PHLDB2: variants seen among roughly 807,000 people sequenced by gnomAD.
PHLDB2 encodes pleckstrin homology like domain family B member 2.
In PHLDB2, 71 loss-of-function variants were observed where a neutral mutation model predicts 123.6. The ratio of observed to expected loss-of-function variants is 0.57; its 90% CI spans 0.47 to 0.70. The LOEUF (loss-of-function observed/expected upper bound fraction) is 0.70, where lower values mean the gene tolerates loss of function less well. PHLDB2 is among the 30% of genes least tolerant of loss of function. PHLDB2 has a pLI of 0.00. For synonymous variants in PHLDB2, 547 were observed against 541.6 expected (o/e 1.01, Z -0.14); for missense variants, 1,446 against 1,519.5 (o/e 0.95, Z 0.80).
At chr3:111,751,911 ACT>A (rs2059783872) in intron 1 of PHLDB2, among the ~76,000 whole-genome samples, 1 of 151,850 alleles carries the variant, frequency 6.6e-6, no homozygotes, top group South Asian at 2.1e-4. Flanking sequence ...AGAAAAGGAG[ACT>A]CTGAGCTGCA....
At chr3:111,742,678 T>C (rs2059623523) in intron 1 of PHLDB2, among the ~76,000 whole-genome samples, 1 of 152,216 alleles carries the variant, frequency 6.6e-6, no homozygotes, top group South Asian at 2.1e-4. Context: ...CCATGGTGTA[T>C]ATGTGCCACA....
chr3:111,737,484 C>T (rs147795681), intron 1 of PHLDB2, among the ~76,000 whole-genome samples: 30 of 152,298 alleles, frequency 2.0e-4, no homozygotes, highest in Admixed American at 1.9e-3. Context: ...CTCCTCTCTA[C>T]AGTTCCAAGG....
intron 5 of PHLDB2, among the ~76,000 whole-genome samples, chr3:111,930,060 T>C (rs1459870897): frequency 6.6e-6 from 1 of 151,410 alleles, no homozygotes; most frequent in African/African-American, 2.4e-5. Flanking sequence ...TACAGACACC[T>C]GCCACCATGC....
In PHLDB2 at chr3:111,909,281, C is replaced by A. The variant is rs571329630; in HGVS notation, c.1336-4038C>A. 7.2e-5 allele frequency among the ~76,000 whole-genome samples: 11 copies of A among 152,268 alleles called. No individual in the cohort carries two copies. The South Asian group carries it at 2.3e-3, about 32-fold the overall frequency. ...TTATCACTGCTTTTATAAGTGATCA[C>A]CTATTTGTGCCTCCTATTAAAGGTT... is the stretch of plus-strand genomic sequence containing the variant. On this transcript the variant is annotated intron_variant, in intron 2 of 17. Coordinates refer to ENST00000431670, the MANE Select transcript of PHLDB2 (RefSeq NM_001134438.2).
chr3:111,802,606 C>T (rs1012011401), intron 1 of PHLDB2, among the ~76,000 whole-genome samples: 16 of 152,202 alleles, frequency 1.1e-4, no homozygotes, highest in Non-Finnish European at 1.9e-4. Context: ...GACATTAGTA[C>T]TATACATTTA....
intron 1 of PHLDB2, among the ~76,000 whole-genome samples, chr3:111,762,063 C>T (rs1275931937): frequency 2.0e-5 from 3 of 152,160 alleles, no homozygotes; most frequent in Non-Finnish European, 2.9e-5. Context: ...ATCCCATCCG[C>T]CACATTCAGC....
rs1050519246 is a variant in PHLDB2, at chr3:111,937,583, C to T, written c.2131-1892C>T. 7.9e-5 allele frequency among the ~76,000 whole-genome samples: 12 copies of T among 152,062 alleles called. No homozygotes were observed. The East Asian group carries it at 1.2e-3, about 15-fold the overall frequency. ...TGGATTGCTTGAGTTTGAGACCAGC[C>T]TGGGCAATATGGCAAAACCCCATTC... is the stretch of plus-strand genomic sequence containing the variant. On this transcript the variant is annotated intron_variant, in intron 6 of 17. Coordinates refer to ENST00000431670, the MANE Select transcript of PHLDB2 (RefSeq NM_001134438.2).
Position 111,952,753 on chromosome 3 carries a change from T to C in PHLDB2, c.2772+41T>C. ...AACCACGGGCTTCCCATTCCATGAG[T>C]CTTCTTGTCATTATATTCACTGATG... On this transcript the variant is annotated intron_variant, in intron 11 of 17. Transcript: ENST00000431670. 9 of 1,591,200 alleles carry C rather than the reference T, an allele frequency of 5.7e-6. 1 individual carries two copies. The highest frequency in any genetic ancestry group is 2.3e-5 in the South Asian group (2 of 86,662).
intron 1 of PHLDB2, among the ~76,000 whole-genome samples, chr3:111,789,690 G>A (rs2060831255): frequency 6.6e-6 from 1 of 150,972 alleles, no homozygotes; most frequent in African/African-American, 2.5e-5. Flanking sequence ...AGAATTACAT[G>A]AGATAATAAT....
chr3:111,790,143 T>C (rs1037816687), intron 1 of PHLDB2, among the ~76,000 whole-genome samples: 1 of 152,184 alleles, frequency 6.6e-6, no homozygotes, highest in Admixed American at 6.5e-5. Flanking sequence ...CTTAATTTTG[T>C]TCCTGCTTAG....
intron 12 of PHLDB2, chr3:111,958,577 A>T: frequency 2.7e-6 from 1 of 376,142 alleles, no homozygotes. Context: ...TGTCCCAGGC[A>T]GTGAAGAGCT....
intron 1 of PHLDB2, among the ~76,000 whole-genome samples, chr3:111,818,893 G>A (rs6800219): frequency 0.21 from 31,941 of 151,740 alleles, 5,241 homozygotes; most frequent in African/African-American, 0.44. Flanking sequence ...CCCTTCCAAT[G>A]CACCTTCCAA....
chr3:111,781,664 C>T (rs2108109901), intron 1 of PHLDB2, among the ~76,000 whole-genome samples: 1 of 152,226 alleles, frequency 6.6e-6, no homozygotes, highest in East Asian at 1.9e-4. Flanking sequence ...CAGAAATGAT[C>T]ATTAGTTTTT....
chr3:111,747,705 A>G (rs2107950198), intron 1 of PHLDB2, among the ~76,000 whole-genome samples: 1 of 152,356 alleles, frequency 6.6e-6, no homozygotes, highest in East Asian at 1.9e-4. Context: ...GTGTTTGCCT[A>G]CAAGTTCCAC....
intron 1 of PHLDB2, chr3:111,859,786 C>T (rs928620395): frequency 2.0e-6 from 2 of 985,338 alleles, no homozygotes; most frequent in African/African-American, 1.7e-5. Context: ...GGCCGGCGGG[C>T]TCACGGAGGG....
rs375725429 is a variant in PHLDB2 at position 111,962,254 on chromosome 3, G to T, written c.3019G>T (p.Asp1007Tyr). ...KDQAFDTLSL[D>Y]SSDSMETSIS... is the part of the protein sequence containing the mutation. ...CCAGGCCTTTGATACTCTGAGCCTC[G>T]ATAGCTCTGATAGCATGGAGACCAG... is the stretch of plus-strand genomic sequence containing the variant. Residue 1007 changes from aspartate (D) to tyrosine (Y), a missense_variant, in exon 13 of 18, where the codon GAT becomes TAT. Physicochemically the swap from Asp to Tyr is radical, Grantham distance 160. Transcript: ENST00000431670. 6.3e-7 allele frequency: 1 copy of T among 1,581,420 alleles called. No homozygotes were observed. The highest frequency in any genetic ancestry group is 8.5e-7 in the Non-Finnish European group (1 of 1,171,510).
At chr3:111,768,715 T>A (rs1310158991) in intron 1 of PHLDB2, among the ~76,000 whole-genome samples, 2 of 152,188 alleles carry the variant, frequency 1.3e-5, no homozygotes, top group African/African-American at 4.8e-5. Flanking sequence ...TACGACTGCC[T>A]GGGATTTAAA....
At chr3:111,964,463 A>G (rs1484306786) in intron 13 of PHLDB2, among the ~76,000 whole-genome samples, 1 of 151,608 alleles carries the variant, frequency 6.6e-6, no homozygotes, top group Non-Finnish European at 1.5e-5. Flanking sequence ...TCTCAGCCTC[A>G]TGAGTAACTG....
chr3:111,866,014 A>ATTTTTT (rs61038523), intron 1 of PHLDB2, among the ~76,000 whole-genome samples: 1,407 of 57,342 alleles, frequency 0.025, 311 homozygotes, highest in Non-Finnish European at 0.033. Context: ...CCACCCACTC[A>ATTTTTT]TTTTTTTTTT....
Sources: allele counts gnomAD v4.1 joint callset (sites outside exome capture counted in the v4.1 genomes callset), GRCh38; gene constraint gnomAD v4.1.1; transcripts MANE v1.5; gene names NCBI Gene and HGNC (gene_info 2026-07-23, HGNC 2026-07-21).